Variants in TENT4B observed in about 807,000 individuals in gnomAD.
The protein encoded by TENT4B is terminal nucleotidyltransferase 4B.
In TENT4B, 10 loss-of-function variants were observed where a neutral mutation model predicts 75.0. The ratio of observed to expected loss-of-function variants is 0.13; its 90% confidence interval spans 0.08 to 0.23. The LOEUF (loss-of-function observed/expected upper bound fraction) is 0.23. Ranked by LOEUF, TENT4B falls within the 10% of genes least tolerant of loss-of-function variation. The pLI is 1.00. For synonymous variants in TENT4B, 350 were observed against 357.7 expected (o/e 0.98, Z 0.24); for missense variants, 579 against 893.8 (o/e 0.65, Z 4.49).
intron 7 of TENT4B, among the ~76,000 whole-genome samples, chr16:50,224,025 C>G (rs1294180573): frequency 1.3e-5 from 2 of 152,070 alleles, no homozygotes; most frequent in Admixed American, 6.6e-5. Context: ...TATTGGACTT[C>G]AGTGGAAGTG....
rs543772799 is a variant in TENT4B, at chr16:50,207,329, G to A, written c.639-3994G>A. Among the ~76,000 whole-genome samples, 286 of 152,050 alleles carry A rather than the reference G, an allele frequency of 1.9e-3. 2 individuals are homozygous for A. The highest frequency in any genetic ancestry group is 6.5e-3 in the African/African-American group (271 of 41,490). ...CTTGAGTAGCTGGGATTACAGGCGT[G>A]CACCATCACGCCTGGCTAATTTTTT... On this transcript the variant is annotated intron_variant, in intron 1 of 11. Coordinates refer to ENST00000561678, the MANE Select transcript of TENT4B (RefSeq NM_001365324.3).
At chr16:50,212,226 T>G (rs1045413679) in intron 2 of TENT4B, among the ~76,000 whole-genome samples, 3 of 152,002 alleles carry the variant, frequency 2.0e-5, no homozygotes. Flanking sequence ...TTAGCTAATT[T>G]TTGTATTTTT....
intron 4 of TENT4B, among the ~76,000 whole-genome samples, chr16:50,216,739 C>CT (rs763252347): frequency 6.6e-5 from 10 of 152,072 alleles, no homozygotes; most frequent in Admixed American, 2.0e-4. Context: ...AGGCTGGTCT[C>CT]TAACTCCTGG....
At chr16:50,210,082 G>A (rs1021647582) in intron 1 of TENT4B, among the ~76,000 whole-genome samples, 15 of 152,160 alleles carry the variant, frequency 9.9e-5, no homozygotes, top group Admixed American at 9.8e-4. Context: ...TTCCCCTAAG[G>A]CACTTTGCAC....
intron 1 of TENT4B, among the ~76,000 whole-genome samples, chr16:50,183,741 T>C (rs966032252): frequency 2.0e-5 from 3 of 152,078 alleles, no homozygotes; most frequent in Non-Finnish European, 4.4e-5. Context: ...GAGAAGCATC[T>C]GCAAAAGAAT....
At chr16:50,226,774 T>G (rs2032075403) in intron 10 of TENT4B, among the ~76,000 whole-genome samples, 2 of 152,208 alleles carry the variant, frequency 1.3e-5, no homozygotes, top group Non-Finnish European at 2.9e-5. Context: ...AATGTACAAT[T>G]CAGTGGTTTT....
At chr16:50,159,529 C>T (rs143722990) in intron 1 of TENT4B, among the ~76,000 whole-genome samples, 131 of 152,150 alleles carry the variant, frequency 8.6e-4, no homozygotes, top group Non-Finnish European at 1.7e-3. Context: ...CATGAGCCAC[C>T]GCGCCCGGCC....
In TENT4B at chr16:50,230,161, G is replaced by A; in HGVS notation, c.*833G>A. On this transcript the variant is annotated 3_prime_UTR_variant, in exon 12 of 12. Coordinates refer to ENST00000561678, the MANE Select transcript of TENT4B (RefSeq NM_001365324.3). ...TACTATGTACTTTTGTGTAAACACTGAAAAATCTCTGGTCATCTCCGAGAA... is the reference window on the plus strand; with the variant it reads ...TACTATGTACTTTTGTGTAAACACTAAAAAATCTCTGGTCATCTCCGAGAA... 1.0e-6 allele frequency: 1 copy of A among 984,246 alleles called. No homozygotes were observed. Among genetic ancestry groups the A allele is most frequent in the Non-Finnish European group, 1.2e-6 (1 of 829,692 alleles). The allele number at this position is 984,246 out of a possible 1,614,324, so 61.0% of individuals were successfully genotyped here.
chr16:50,215,385 A>G (rs2031497569), intron 3 of TENT4B, among the ~76,000 whole-genome samples: 1 of 152,228 alleles, frequency 6.6e-6, no homozygotes, highest in Non-Finnish European at 1.5e-5. Flanking sequence ...AAGTCATAAA[A>G]TACTCAACTT....
In TENT4B at chr16:50,225,115, A is replaced by T; in HGVS notation, c.1630A>T (p.Ile544Leu). ...TCTTTCAGGAAATGGTGTTACCTTGATAGTAGATACTCAGCAGTTAGATAA... is the reference window on the plus strand; with the variant it reads ...TCTTTCAGGAAATGGTGTTACCTTGTTAGTAGATACTCAGCAGTTAGATAA... ...PSCNGNGVTLIVDTQQLDKCN... is the reference protein window; with the variant it reads ...PSCNGNGVTLLVDTQQLDKCN... The change falls in exon 10 of 12, where the codon ATA (isoleucine) becomes TTA (leucine). Residue 544 changes from isoleucine to leucine, a missense_variant. By Grantham distance (5) the Ile-to-Leu change is conservative. This residue lies in a region of TENT4B where 164 missense variants were observed against 226.5 expected (regional missense o/e 0.72). Transcript: ENST00000561678. 1 of 1,612,804 alleles carries T rather than the reference A, an allele frequency of 6.2e-7. No individual in the cohort carries two copies. The highest frequency in any genetic ancestry group is 8.5e-7 in the Non-Finnish European group (1 of 1,179,172).
In TENT4B at chr16:50,233,157, C is replaced by T; in HGVS notation, c.*3829C>T. 1 of 984,072 alleles carries T rather than the reference C, an allele frequency of 1.0e-6. No individual in the cohort carries two copies. The highest frequency in any genetic ancestry group is 1.2e-6 in the Non-Finnish European group (1 of 828,738). 61.0% of individuals were successfully genotyped at this position (984,072 alleles called of 1,614,324 possible). A position where few individuals can be genotyped will look rare whatever the true frequency, so the allele number is the denominator to read the frequency against. On this transcript the variant is annotated 3_prime_UTR_variant, in exon 12 of 12. Coordinates refer to ENST00000561678, the MANE Select transcript of TENT4B (RefSeq NM_001365324.3). Reference sequence around the variant, plus strand: ...AGTAGTTACTGTTGATAGTAATTTTCATCAGGGTCATAGTTCATCTAGTAA... The same window carrying T: ...AGTAGTTACTGTTGATAGTAATTTTTATCAGGGTCATAGTTCATCTAGTAA...
intron 11 of TENT4B, among the ~76,000 whole-genome samples, chr16:50,228,786 C>T (rs2032168846): frequency 6.6e-6 from 1 of 152,204 alleles, no homozygotes. Flanking sequence ...GGAGTAGCCA[C>T]CTGTGCTGAC....
intron 5 of TENT4B, among the ~76,000 whole-genome samples, chr16:50,221,377 T>C (rs567629150): frequency 6.6e-6 from 1 of 152,232 alleles, no homozygotes; most frequent in East Asian, 1.9e-4. Context: ...TACAGAGGAG[T>C]GAATGAATAT....
intron 1 of TENT4B, among the ~76,000 whole-genome samples, chr16:50,174,768 C>T (rs1012864608): frequency 1.9e-4 from 23 of 118,582 alleles, no homozygotes; most frequent in Admixed American, 8.0e-4. Flanking sequence ...TTTTTTGATA[C>T]GGAGTCGCTC....
At chr16:50,210,991 A>G (rs958520057) in intron 1 of TENT4B, among the ~76,000 whole-genome samples, 40 of 152,246 alleles carry the variant, frequency 2.6e-4, no homozygotes, top group Admixed American at 2.4e-3. Context: ...CCCTACTGCC[A>G]GGAAACTTGC....
chr16:50,208,647 A>G (rs1156908800), intron 1 of TENT4B, among the ~76,000 whole-genome samples: 2 of 152,240 alleles, frequency 1.3e-5, no homozygotes, highest in East Asian at 1.9e-4. Context: ...GTTAGATGGA[A>G]GTGACCCAGG....
chr16:50,159,198 C>G (rs1456979831), intron 1 of TENT4B, among the ~76,000 whole-genome samples: 1 of 151,568 alleles, frequency 6.6e-6, no homozygotes, highest in African/African-American at 2.4e-5. Context: ...ATCTGCTTCT[C>G]TTTCTCTCTC....
At chr16:50,222,482 G>T (rs2031872572) in intron 6 of TENT4B, 48 bp downstream of exon 6, 3 of 1,577,050 alleles carry the variant, frequency 1.9e-6, no homozygotes, top group East Asian at 4.6e-5. Context: ...AAGCAAAAGT[G>T]ATCAATCAGC....
intron 1 of TENT4B, among the ~76,000 whole-genome samples, chr16:50,175,918 G>T (rs2038298846): frequency 6.6e-6 from 1 of 151,768 alleles, no homozygotes; most frequent in Admixed American, 6.6e-5. Flanking sequence ...GAGTAGCTGG[G>T]ACTACAGGTG....
Sources: allele counts gnomAD v4.1 joint callset (sites outside exome capture counted in the v4.1 genomes callset), GRCh38; gene constraint gnomAD v4.1.1; regional missense constraint gnomAD v4.1.1; transcripts MANE v1.5; gene names NCBI Gene and HGNC (gene_info 2026-07-23, HGNC 2026-07-21).